The following UNC13C variants were observed in gnomAD, a reference collection of about 807,000 sequenced individuals.
UNC13C encodes the protein protein unc-13 homolog C.
A neutral mutation model predicts 245.4 loss-of-function variants in UNC13C; 174 were observed. The ratio of observed to expected loss-of-function variants is 0.71; its 90% CI spans 0.63 to 0.80. UNC13C has a LOEUF of 0.80. Ranked by LOEUF, UNC13C falls within the 30% of genes least tolerant of loss-of-function variation. The pLI is 0.00. For synonymous variants in UNC13C, 992 were observed against 895.1 expected (o/e 1.11, Z -1.93); for missense variants, 2,829 against 2,602.9 (o/e 1.09, Z -1.89).
chr15:54,463,279 G>GTGAGT (rs1394439137), intron 19 of UNC13C, among the ~76,000 whole-genome samples: 1 of 74,206 alleles, frequency 1.3e-5, no homozygotes, highest in South Asian at 6.4e-4. Flanking sequence ...GGGGGGGGGG[G>GTGAGT]GGGCCGGTCA....
chr15:53,931,734 G>A, the UNC13C span, among the ~76,000 whole-genome samples: 1 of 152,040 alleles, frequency 6.6e-6, no homozygotes, highest in Non-Finnish European at 1.5e-5. Flanking sequence ...CTCTTAAAAA[G>A]GGGTGAAATC....
chr15:54,186,367 GT>G, intron 4 of UNC13C, among the ~76,000 whole-genome samples: 1 of 151,966 alleles, frequency 6.6e-6, no homozygotes, highest in East Asian at 1.9e-4. Context: ...AGGGAATGTA[GT>G]TTAAATTTCC....
chr15:54,447,282 C>T (rs1890870003), intron 19 of UNC13C, among the ~76,000 whole-genome samples: 1 of 152,040 alleles, frequency 6.6e-6, no homozygotes. Context: ...AGGATGATAC[C>T]TCATAAAATG....
intron 10 of UNC13C, among the ~76,000 whole-genome samples, chr15:54,280,779 T>C (rs2036972393): frequency 1.4e-5 from 2 of 139,948 alleles, no homozygotes; most frequent in Non-Finnish European, 3.1e-5. Context: ...CATATATATA[T>C]ATACACATAT....
intron 30 of UNC13C, among the ~76,000 whole-genome samples, chr15:54,616,875 T>G (rs552233481): frequency 6.6e-6 from 1 of 152,164 alleles, no homozygotes; most frequent in South Asian, 2.1e-4. Context: ...GCTCCATTCA[T>G]GGTAAGGGCC....
chr15:54,380,320 A>G (rs936158774), intron 17 of UNC13C, among the ~76,000 whole-genome samples: 3 of 152,132 alleles, frequency 2.0e-5, no homozygotes, highest in Non-Finnish European at 2.9e-5. Flanking sequence ...CTTTAACACT[A>G]CATAGGATTC....
the UNC13C span, among the ~76,000 whole-genome samples, chr15:53,895,180 A>G: frequency 1.3e-5 from 2 of 151,902 alleles, no homozygotes; most frequent in South Asian, 2.1e-4. Flanking sequence ...CCTGGCCAAC[A>G]TGGTGAAACC....
intron 2 of UNC13C, among the ~76,000 whole-genome samples, chr15:54,023,550 T>A (rs1051061482): frequency 3.9e-5 from 6 of 152,188 alleles, no homozygotes; most frequent in African/African-American, 1.4e-4. Context: ...GTGAAGAAGT[T>A]AAGTGCCAAT....
Position 54,226,393 on chromosome 15 carries a change from G to A in UNC13C, c.3072-8637G>A, listed in dbSNP as rs1029241490. Among the ~76,000 whole-genome samples, 30 of 152,298 alleles carry A rather than the reference G, an allele frequency of 2.0e-4. 2 individuals carry two copies. Among genetic ancestry groups the A allele is most frequent in the Admixed American group, 1.9e-3 (29 of 15,296 alleles). On this transcript the variant is annotated intron_variant, in intron 4 of 32. Transcript: ENST00000260323. ...GAAGAAATGGTACCACCTCTTTTCTGTACCTCTGGTAGAATTCAGCTGTAA... is the reference window on the plus strand; with the variant it reads ...GAAGAAATGGTACCACCTCTTTTCTATACCTCTGGTAGAATTCAGCTGTAA...
chr15:54,460,926 A>C (rs921826348), intron 19 of UNC13C, among the ~76,000 whole-genome samples: 1 of 152,186 alleles, frequency 6.6e-6, no homozygotes, highest in Non-Finnish European at 1.5e-5. Flanking sequence ...GTTATAAATT[A>C]AAACCTTATT....
At chr15:54,613,181 T>A (rs1046953750) in intron 30 of UNC13C, among the ~76,000 whole-genome samples, 2 of 151,812 alleles carry the variant, frequency 1.3e-5, no homozygotes, top group Non-Finnish European at 2.9e-5. Context: ...AGCCAATTAG[T>A]ATATAAAATT....
intron 26 of UNC13C, among the ~76,000 whole-genome samples, chr15:54,538,951 A>G (rs1033905057): frequency 6.6e-6 from 1 of 151,992 alleles, no homozygotes; most frequent in African/African-American, 2.4e-5. Flanking sequence ...CACAGCATGC[A>G]ATTTTCCCAT....
chr15:54,437,900 C>A (rs1272947910), intron 19 of UNC13C, among the ~76,000 whole-genome samples: 2 of 151,882 alleles, frequency 1.3e-5, no homozygotes, highest in Non-Finnish European at 2.9e-5. Flanking sequence ...GTTTTGCTAC[C>A]TTTTAGGTAT....
chr15:54,507,216 T>A, intron 23 of UNC13C, 22 bp downstream of exon 23: 1 of 1,479,500 alleles, frequency 6.8e-7, no homozygotes, highest in Non-Finnish European at 9.3e-7. Flanking sequence ...ATGTCTCTAC[T>A]TTCAAGTATC....
rs577869788 is a variant in UNC13C, at chr15:54,334,391, G to C, written c.4584+535G>C. Among the ~76,000 whole-genome samples the C allele has an allele frequency of 4.2e-4, 64 of 152,170 alleles. 1 individual carries two copies. Among genetic ancestry groups the C allele is most frequent in the African/African-American group, 1.5e-3 (64 of 41,564 alleles). On this transcript the variant is annotated intron_variant, in intron 16 of 32. Coordinates refer to ENST00000260323, the MANE Select transcript of UNC13C (RefSeq NM_001080534.3). ...TATATCATTTCTGCTTTAATTGCGAGTTTTCGGCAGTCATAGTTCTGGCTT... is the reference window on the plus strand; with the variant it reads ...TATATCATTTCTGCTTTAATTGCGACTTTTCGGCAGTCATAGTTCTGGCTT...
At chr15:54,250,020 T>A (rs1242069120) in intron 7 of UNC13C, among the ~76,000 whole-genome samples, 2 of 152,156 alleles carry the variant, frequency 1.3e-5, no homozygotes, top group East Asian at 3.9e-4. Flanking sequence ...TGTGTACAGA[T>A]AACTGAATAG....
chr15:54,187,139 C>T (rs2034019315), intron 4 of UNC13C, among the ~76,000 whole-genome samples: 2 of 152,006 alleles, frequency 1.3e-5, no homozygotes, highest in South Asian at 2.1e-4. Context: ...TGAGCTCACA[C>T]GTATGCATTT....
At chr15:54,094,000 CATTTCCAA>C (rs1567008625) in intron 2 of UNC13C, among the ~76,000 whole-genome samples, 8 of 37,238 alleles carry the variant, frequency 2.1e-4, no homozygotes, top group African/African-American at 5.9e-4. Flanking sequence ...ACCTTTACTT[CATTTCCAA>C]GAAGGTGTGC....
At position 54,047,085 on chromosome 15, in the gene UNC13C, C is replaced by T. The variant is rs539313316; in HGVS notation, c.2983+31199C>T. 9.2e-5 allele frequency among the ~76,000 whole-genome samples: 14 copies of T among 151,940 alleles called. 1 individual carries two copies. In the South Asian group the frequency reaches 1.0e-3, roughly 11 times the overall value. ...GCGGTATTTATTTTTTAAAAAGTTA[C>T]GTGGTAATAATTTGGAGACAGATGA... On this transcript the variant is annotated intron_variant, in intron 2 of 32. Coordinates refer to ENST00000260323, the MANE Select transcript of UNC13C (RefSeq NM_001080534.3).
Sources: allele counts gnomAD v4.1 joint callset (sites outside exome capture counted in the v4.1 genomes callset), GRCh38; gene constraint gnomAD v4.1.1; transcripts MANE v1.5; gene names NCBI Gene and HGNC (gene_info 2026-07-23, HGNC 2026-07-21).